Variants in NTNG2 observed in about 807,000 individuals in gnomAD.
The protein encoded by NTNG2 is netrin G2.
In NTNG2, 15 loss-of-function variants were observed where a neutral mutation model predicts 47.6. That is an observed-to-expected ratio of 0.32 (90% CI 0.21 to 0.49). The LOEUF is 0.49. NTNG2 is among the 20% of genes least tolerant of loss of function. The pLI, the probability that NTNG2 is intolerant of heterozygous loss-of-function variation, is 0.99. For missense variants in NTNG2, 578 were observed against 764.6 expected (o/e 0.76, Z 2.88); for synonymous variants, 307 against 324.6 (o/e 0.95, Z 0.58).
intron 3 of NTNG2, among the ~76,000 whole-genome samples, chr9:132,209,154 G>T (rs1372055602): frequency 6.6e-6 from 1 of 152,256 alleles, no homozygotes; most frequent in Non-Finnish European, 1.5e-5. Context: ...TTCGTGGAAA[G>T]GTTTTTGGGT....
In NTNG2 at chr9:132,197,492, G is replaced by A. The variant is rs1041502; in HGVS notation, c.214-474G>A. 9.9e-3 allele frequency among the ~76,000 whole-genome samples: 1,511 copies of A among 152,278 alleles called. 28 individuals are homozygous for A. Among genetic ancestry groups the A allele is most frequent in the African/African-American group, 0.034 (1,420 of 41,556 alleles). Reference sequence around the variant, plus strand: ...GAATGTGAATGGGAATTTTTGAGGCGGACAGAGTGGAAGGGCACATGAAGG... The same window carrying A: ...GAATGTGAATGGGAATTTTTGAGGCAGACAGAGTGGAAGGGCACATGAAGG... On this transcript the variant is annotated intron_variant, in intron 2 of 7. Transcript: ENST00000393229. This position sits in a 1 kb window ranked among gnomAD's most constrained non-coding sequence, Gnocchi z 4.3.
Position 132,197,881 on chromosome 9 carries a change from A to G in NTNG2, c.214-85A>G. 1 of 1,342,542 alleles carries G rather than the reference A, an allele frequency of 7.4e-7. No homozygotes were observed. Among genetic ancestry groups the G allele is most frequent in the Non-Finnish European group, 1.0e-6 (1 of 988,574 alleles). The allele number at this position is 1,342,542 out of a possible 1,614,324, so 83.2% of individuals were successfully genotyped here. A position where few individuals can be genotyped will look rare whatever the true frequency, so the allele number is the denominator to read the frequency against. On this transcript the variant is annotated intron_variant, in intron 2 of 7. Transcript: ENST00000393229. This position sits in a 1 kb window ranked among gnomAD's most constrained non-coding sequence, Gnocchi z 4.3. ...CCACAGAGCAGGTTTCTCGGTTCGC[A>G]GGCAGGGGCTAGGCCGCGCAGAGGC...
At chr9:132,191,129 G>A (rs996682663) in intron 2 of NTNG2, among the ~76,000 whole-genome samples, 19 of 152,088 alleles carry the variant, frequency 1.2e-4, no homozygotes, top group Non-Finnish European at 5.9e-5. Context: ...AGGGAGGAGC[G>A]GCTGTGAAGT....
rs556254922 is a variant in NTNG2 at position 132,192,361 on chromosome 9, T to C, written c.214-5605T>C. ...ATCCCAGCACTTTGGGAGGCCGAGG[T>C]GGGCGGATCACCTGAGGTCAGGAGT... On this transcript the variant is annotated intron_variant, in intron 2 of 7. Coordinates refer to ENST00000393229, the MANE Select transcript of NTNG2 (RefSeq NM_032536.4). Among the ~76,000 whole-genome samples the C allele has an allele frequency of 7.2e-3, 1,102 of 152,172 alleles. 19 individuals carry two copies. The highest frequency in any genetic ancestry group is 0.026 in the African/African-American group (1,060 of 41,526).
Position 132,198,047 on chromosome 9 carries a change from G to C in NTNG2, c.295G>C (p.Glu99Gln), listed in dbSNP as rs186092455. 6.2e-7 allele frequency: 1 copy of C among 1,613,420 alleles called. No homozygotes were observed. The highest frequency in any genetic ancestry group is 8.5e-7 in the Non-Finnish European group (1 of 1,179,754). ...CCCGCCCAGGCTCATGTTCGACAAG[G>C]AGGAGGAGGGCCTGGCCACCTACTG... ...AHPPRLMFDKEEEGLATYWQS... is the reference protein window; with the variant it reads ...AHPPRLMFDKQEEGLATYWQS... The change falls in exon 3 of 8, where the codon GAG (glutamate) becomes CAG (glutamine). Residue 99 changes from glutamate to glutamine, a missense_variant. Transcript: ENST00000393229.
At chr9:132,168,000 T>C (rs570888478) in intron 2 of NTNG2, among the ~76,000 whole-genome samples, 3 of 152,192 alleles carry the variant, frequency 2.0e-5, no homozygotes, top group South Asian at 4.2e-4. Context: ...TGTGAGGAGT[T>C]TGTGGTTTAA....
intron 3 of NTNG2, among the ~76,000 whole-genome samples, chr9:132,225,576 G>T (rs886476616): frequency 6.6e-6 from 1 of 152,102 alleles, no homozygotes; most frequent in Non-Finnish European, 1.5e-5. Flanking sequence ...AGCCTGTGTG[G>T]TTCTCTAAAA....
intron 3 of NTNG2, 88 bp downstream of exon 3, chr9:132,198,697 T>A: frequency 1.5e-6 from 2 of 1,351,840 alleles, no homozygotes; most frequent in Non-Finnish European, 2.0e-6. Context: ...GGATGTTACC[T>A]GGTATGTGGA....
At chr9:132,190,884 C>T (rs1837830263) in intron 2 of NTNG2, among the ~76,000 whole-genome samples, 2 of 152,184 alleles carry the variant, frequency 1.3e-5, no homozygotes, top group African/African-American at 4.8e-5. Context: ...CTCTGCCCAC[C>T]CTCCTTTGAC....
Position 132,236,130 on chromosome 9 carries a change from A to AG in NTNG2, c.1055-2969dup, listed in dbSNP as rs1312353275. Among the ~76,000 whole-genome samples, 1 of 152,156 alleles carries AG rather than the reference A, an allele frequency of 6.6e-6. No homozygotes were observed. The highest frequency in any genetic ancestry group is 6.5e-5 in the Admixed American group (1 of 15,280). ...GGCAGTTGCTGGATCAGAGAGTCAG[A>AG]GGGGGCTTCCTGCAGGAGCGGGGGC... On this transcript the variant is annotated intron_variant, in intron 5 of 7. Coordinates refer to ENST00000393229, the MANE Select transcript of NTNG2 (RefSeq NM_032536.4). The surrounding 1 kb of genome is among the most constrained non-coding windows in gnomAD (Gnocchi z 4.3).
intron 3 of NTNG2, among the ~76,000 whole-genome samples, chr9:132,205,981 C>G (rs1034462928): frequency 6.6e-6 from 1 of 152,132 alleles, no homozygotes; most frequent in Non-Finnish European, 1.5e-5. Context: ...GTCAGACTGT[C>G]CAGGTGCAAA....
chr9:132,167,165 T>TGACCAGGTCTGGACCAGACCTG (rs1236552591), intron 2 of NTNG2, 121 bp downstream of exon 2: 8 of 1,063,596 alleles, frequency 7.5e-6, no homozygotes, highest in East Asian at 2.6e-5. Flanking sequence ...TCCTGCCTCT[T>TGACCAGGTCTGGACCAGACCTG]GACCAGGTCT....
rs545891113 is a variant in NTNG2, at chr9:132,163,744, C to T, written c.-484+1505C>T. On this transcript the variant is annotated intron_variant, in intron 1 of 7. Transcript: ENST00000393229. The surrounding 1 kb of genome is among the most constrained non-coding windows in gnomAD (Gnocchi z 7.2). ...GCGCAGCAGGCAACTCCAAGAGGAA[C>T]CTGCTGGCGAGCCCAGCCAGCTCGG... Among the ~76,000 whole-genome samples the T allele has an allele frequency of 1.0e-3, 158 of 152,372 alleles. No individual in the cohort carries two copies. The highest frequency in any genetic ancestry group is 4.1e-3 in the Admixed American group (63 of 15,314).
intron 3 of NTNG2, among the ~76,000 whole-genome samples, chr9:132,213,479 G>A (rs1320726130): frequency 4.6e-5 from 7 of 151,832 alleles, no homozygotes; most frequent in East Asian, 2.0e-4. Flanking sequence ...ATGTAAGCCC[G>A]CAGCCCCCTC....
intron 1 of NTNG2, among the ~76,000 whole-genome samples, chr9:132,164,732 C>T (rs559140194): frequency 1.3e-5 from 2 of 152,334 alleles, no homozygotes; most frequent in Admixed American, 6.5e-5. Flanking sequence ...AGAGGTGAGA[C>T]GGGGAAAATG....
intron 2 of NTNG2, among the ~76,000 whole-genome samples, chr9:132,188,974 T>C (rs1352244285): frequency 1.3e-5 from 2 of 151,190 alleles, no homozygotes; most frequent in African/African-American, 4.9e-5. Flanking sequence ...TCTATGTTAG[T>C]GGCTGAGGGC....
rs1841188554 is a variant in NTNG2 at position 132,231,173 on chromosome 9, G to A, written c.1054+578G>A. On this transcript the variant is annotated intron_variant, in intron 5 of 7. Transcript: ENST00000393229. The surrounding 1 kb of genome is among the most constrained non-coding windows in gnomAD (Gnocchi z 4.1). ...GACCAGGGAGGGGCATCTGCAGGAG[G>A]TGGGGGTCCTGAGAGTTCCCCAGGA... 1 of 392,404 alleles carries A rather than the reference G, an allele frequency of 2.5e-6. No individual in the cohort carries two copies. Among genetic ancestry groups the A allele is most frequent in the African/African-American group, 2.1e-5 (1 of 47,978 alleles). The allele number at this position is 392,404 out of a possible 1,614,324, so 24.3% of individuals were successfully genotyped here. A position where few individuals can be genotyped will look rare whatever the true frequency, so the allele number is the denominator to read the frequency against.
intron 2 of NTNG2, among the ~76,000 whole-genome samples, chr9:132,176,449 CTCTT>C (rs1260596806): frequency 6.6e-6 from 1 of 152,172 alleles, no homozygotes; most frequent in Non-Finnish European, 1.5e-5. Context: ...CAATATGAGG[CTCTT>C]TGTGATGGCC....
At chr9:132,203,347 AT>A (rs1156688450) in intron 3 of NTNG2, among the ~76,000 whole-genome samples, 5 of 152,222 alleles carry the variant, frequency 3.3e-5, no homozygotes, top group East Asian at 1.9e-4. Context: ...CTCTAAAAAA[AT>A]AATAATAATA....
Sources: gnomAD v4.1 joint callset for allele counts (sites outside exome capture counted in the v4.1 genomes callset) on GRCh38, gnomAD v4.1.1 for gene constraint, Gnocchi (gnomAD v3.1) non-coding constraint, MANE v1.5 for transcripts, NCBI Gene and HGNC (gene_info 2026-07-23, HGNC 2026-07-21) for gene names.